Variants in TOGARAM1 observed in about 807,000 individuals in gnomAD.
TOGARAM1 encodes the protein TOG array regulator of axonemal microtubules 1, also known as TOG array regulator of axonemal microtubules protein 1.
TOGARAM1 carries 100 observed loss-of-function variants against 166.6 expected under a neutral mutation model. The observed-to-expected ratio is 0.60, with a 90% CI of 0.51 to 0.71. The LOEUF (loss-of-function observed/expected upper bound fraction) is 0.71. TOGARAM1 is among the 30% of genes least tolerant of loss of function. TOGARAM1 has a pLI of 0.00. For missense variants in TOGARAM1, 2,029 were observed against 2,102.7 expected (o/e 0.96, Z 0.69); for synonymous variants, 758 against 763.8 (o/e 0.99, Z 0.13).
intron 1 of TOGARAM1, among the ~76,000 whole-genome samples, chr14:44,970,579 G>A (rs1412432550): frequency 1.3e-5 from 2 of 151,966 alleles, no homozygotes; most frequent in Non-Finnish European, 2.9e-5. Context: ...ATATGATATT[G>A]AAAAGCAGTG....
At chr14:45,003,204 G>A (rs1038440152) in intron 3 of TOGARAM1, among the ~76,000 whole-genome samples, 46 of 151,876 alleles carry the variant, frequency 3.0e-4, no homozygotes, top group African/African-American at 1.1e-3. Context: ...AAAAAATAAA[G>A]GATATATAAT....
intron 1 of TOGARAM1, among the ~76,000 whole-genome samples, chr14:44,986,409 C>T (rs1175432208): frequency 1.3e-5 from 2 of 152,122 alleles, no homozygotes; most frequent in African/African-American, 4.8e-5. Context: ...CCTACCTCAG[C>T]CTCCCGAGTA....
Position 44,969,311 on chromosome 14 carries a change from C to T in TOGARAM1, c.2046+4844C>T, listed in dbSNP as rs950045759. Reference sequence around the variant, plus strand: ...AGACTACAGGCCCACACCATCATGCCCGGCTAATTTTTTGTATTTTTAGTA... The same window carrying T: ...AGACTACAGGCCCACACCATCATGCTCGGCTAATTTTTTGTATTTTTAGTA... On this transcript the variant is annotated intron_variant, in intron 1 of 19. Transcript: ENST00000361462. Among the ~76,000 whole-genome samples, 4 of 151,760 alleles carry T rather than the reference C, an allele frequency of 2.6e-5. 1 individual carries two copies. The highest frequency in any genetic ancestry group is 9.7e-5 in the African/African-American group (4 of 41,256).
At position 45,027,411 on chromosome 14, in the gene TOGARAM1, G is replaced by A; in HGVS notation, c.3441G>A (p.Gly1147=). 6.2e-7 allele frequency: 1 copy of A among 1,613,412 alleles called. No homozygotes were observed. The highest frequency in any genetic ancestry group is 8.5e-7 in the Non-Finnish European group (1 of 1,179,736). The stretch of plus-strand genomic sequence containing the variant: ...AACAAAGTATTGAACCACCATCAGG[G>A]ATTTATGGAAGATCAGTCCAGCAAA... ...SIKQSIEPPS[G]IYGRSVQQNI... is the part of the protein sequence containing the mutation. Residue 1147 remains glycine, a synonymous_variant, in exon 9 of 20, where the codon GGG becomes GGA. Coordinates refer to ENST00000361462, the MANE Select transcript of TOGARAM1 (RefSeq NM_001308120.2).
At chr14:45,038,620 AAG>A (rs1881561849) in intron 11 of TOGARAM1, among the ~76,000 whole-genome samples, 2 of 152,202 alleles carry the variant, frequency 1.3e-5, no homozygotes, top group African/African-American at 4.8e-5. Flanking sequence ...CAGAACCCCA[AAG>A]AGAGTATCAC....
At chr14:44,988,274 T>C (rs552433577) in intron 1 of TOGARAM1, among the ~76,000 whole-genome samples, 1 of 152,292 alleles carries the variant, frequency 6.6e-6, no homozygotes, top group Admixed American at 6.5e-5. Flanking sequence ...TAAAAGCTTT[T>C]GAGTTTTATT....
At chr14:45,044,906 A>G (rs575255141) in intron 13 of TOGARAM1, 36 bp downstream of exon 13, 1 of 1,492,572 alleles carries the variant, frequency 6.7e-7, no homozygotes, top group South Asian at 1.2e-5. Flanking sequence ...GTCTTTAAAC[A>G]AAAAATGAAA....
At chr14:44,998,303 G>A (rs986913569) in intron 2 of TOGARAM1, among the ~76,000 whole-genome samples, 20 of 152,202 alleles carry the variant, frequency 1.3e-4, no homozygotes, top group African/African-American at 4.6e-4. Context: ...AAGACAATAT[G>A]TAAGCTAATG....
intron 16 of TOGARAM1, among the ~76,000 whole-genome samples, chr14:45,055,455 C>T (rs941230901): frequency 2.0e-5 from 3 of 152,110 alleles, no homozygotes; most frequent in South Asian, 2.1e-4. Flanking sequence ...ATAGCCTTAT[C>T]GTGTAATTTG....
Position 45,006,210 on chromosome 14 carries a change from T to G in TOGARAM1, c.2847T>G (p.Ser949Arg), listed in dbSNP as rs1566627846. Residue 949 changes from serine (S) to arginine (R), a missense_variant, in exon 5 of 20, where the codon AGT becomes AGG. By Grantham distance (110) the Ser-to-Arg change is moderately radical. Coordinates refer to ENST00000361462, the MANE Select transcript of TOGARAM1 (RefSeq NM_001308120.2). ...ATATTTGGAAGTGTGAAAAAGATAG[T>G]CTTCCAATTGATCTTTCAGAATTAA... ...PDDIWKCEKD[S>R]LPIDLSELNF... is the part of the protein sequence containing the mutation. The G allele has an allele frequency of 6.2e-7, 1 of 1,612,930 alleles. No individual in the cohort carries two copies. Among genetic ancestry groups the G allele is most frequent in the African/African-American group, 1.3e-5 (1 of 75,042 alleles).
intron 7 of TOGARAM1, among the ~76,000 whole-genome samples, chr14:45,023,479 C>G (rs1312676673): frequency 6.6e-6 from 1 of 152,164 alleles, no homozygotes. Flanking sequence ...AAGATCTCTT[C>G]CCTGTATTAT....
At chr14:44,994,116 G>GT (rs1425999236) in intron 1 of TOGARAM1, among the ~76,000 whole-genome samples, 27 of 151,776 alleles carry the variant, frequency 1.8e-4, no homozygotes, top group Admixed American at 1.6e-3. Flanking sequence ...GCATTCTTCT[G>GT]TTTTTTTTGA....
chr14:45,054,884 A>AG (rs1335310174), intron 16 of TOGARAM1, among the ~76,000 whole-genome samples: 1 of 152,256 alleles, frequency 6.6e-6, no homozygotes, highest in East Asian at 1.9e-4. Context: ...TTATGGTTAA[A>AG]GGGGAAAAAA....
chr14:45,069,352 G>C (rs889483289), intron 18 of TOGARAM1, among the ~76,000 whole-genome samples: 11 of 151,898 alleles, frequency 7.2e-5, no homozygotes, highest in African/African-American at 2.4e-4. Context: ...CTGGGCAGCA[G>C]AGTGAGACTC....
chr14:45,064,131 AGT>A (rs1883033230), intron 16 of TOGARAM1, among the ~76,000 whole-genome samples: 1 of 152,118 alleles, frequency 6.6e-6, no homozygotes. Context: ...TCTTTACTAT[AGT>A]CAGAGTTAAG....
intron 7 of TOGARAM1, among the ~76,000 whole-genome samples, chr14:45,016,190 G>GT (rs1291586222): frequency 6.6e-6 from 1 of 152,116 alleles, no homozygotes; most frequent in African/African-American, 2.4e-5. Context: ...GAGCTCAGGG[G>GT]TTTGAGACCA....
At chr14:45,072,316 T>C (rs1337648848) in intron 19 of TOGARAM1, among the ~76,000 whole-genome samples, 1 of 152,176 alleles carries the variant, frequency 6.6e-6, no homozygotes, top group African/African-American at 2.4e-5. Flanking sequence ...TCCAGTGCTG[T>C]CTCAGGCCGG....
intron 17 of TOGARAM1, 88 bp downstream of exon 17, chr14:45,066,855 C>G (rs1883165461): frequency 1.1e-5 from 12 of 1,106,934 alleles, no homozygotes; most frequent in Non-Finnish European, 1.5e-5. Flanking sequence ...GTAGAAGGAT[C>G]TCTTGAGGCT....
intron 16 of TOGARAM1, among the ~76,000 whole-genome samples, chr14:45,064,670 G>A (rs1012919854): frequency 3.3e-5 from 5 of 152,100 alleles, no homozygotes; most frequent in Admixed American, 2.6e-4. Flanking sequence ...TTGTACAGAT[G>A]AGGTCTCAAT....
Sources: gnomAD v4.1 joint callset for allele counts (sites outside exome capture counted in the v4.1 genomes callset) on GRCh38, gnomAD v4.1.1 for gene constraint, MANE v1.5 for transcripts, NCBI Gene and HGNC (gene_info 2026-07-23, HGNC 2026-07-21) for gene names.